The following AHCTF1 variants were observed in gnomAD, a reference collection of about 807,000 sequenced individuals.
AHCTF1 encodes the protein AT-hook containing transcription factor 1, also known as protein ELYS.
In AHCTF1, 24 loss-of-function variants were observed where a neutral mutation model predicts 248.4. The observed-to-expected ratio is 0.10, with a 90% CI of 0.07 to 0.14. The LOEUF is 0.14. AHCTF1 is among the 10% of genes least tolerant of loss of function. The pLI is 1.00. For synonymous variants in AHCTF1, 786 were observed against 929.8 expected (o/e 0.85, Z 2.81); for missense variants, 2,206 against 2,636.2 (o/e 0.84, Z 3.57).
chr1:246,931,331 C>A lies in AHCTF1; in HGVS notation c.-8+247G>T, dbSNP rs1667343227. The A allele has an allele frequency of 3.9e-6, 6 of 1,545,516 alleles. No homozygotes were observed. In the East Asian group the frequency reaches 1.5e-4, roughly 38 times the overall value. On this transcript the variant is annotated intron_variant, in intron 1 of 35. Transcript: ENST00000648844. Reference sequence around the variant, plus strand: ...ACCAGCGCCGCTCCGCCGCCATGTGCCGCCGCTCCTCCGGTCCGAGATTAT... The same window carrying A: ...ACCAGCGCCGCTCCGCCGCCATGTGACGCCGCTCCTCCGGTCCGAGATTAT...
chr1:246,921,285 T>G (rs1666534273), intron 1 of AHCTF1, among the ~76,000 whole-genome samples: 1 of 152,088 alleles, frequency 6.6e-6, no homozygotes, highest in African/African-American at 2.4e-5. Flanking sequence ...AGCGGAAGAA[T>G]ATACGAGGGA....
At chr1:246,927,406 T>C (rs1006822437) in intron 1 of AHCTF1, among the ~76,000 whole-genome samples, 22 of 151,910 alleles carry the variant, frequency 1.4e-4, no homozygotes, top group African/African-American at 4.8e-4. Context: ...TGGGAATCGC[T>C]TGAACCGGGG....
chr1:246,922,973 ACT>A (rs1464034791), intron 1 of AHCTF1, among the ~76,000 whole-genome samples: 10 of 112,182 alleles, frequency 8.9e-5, no homozygotes, highest in African/African-American at 3.5e-4. Flanking sequence ...ACAGAGCGAG[ACT>A]CTGTCTCAAA....
chr1:246,900,893 C>T (rs1336014512), intron 8 of AHCTF1, among the ~76,000 whole-genome samples: 2 of 152,048 alleles, frequency 1.3e-5, no homozygotes, highest in East Asian at 3.8e-4. Context: ...CTGAGAAGGA[C>T]TTATCCAGTT....
rs77966128 is a variant in AHCTF1 at position 246,913,587 on chromosome 1, C to T, written c.376-175G>A. On this transcript the variant is annotated intron_variant, in intron 3 of 35. Transcript: ENST00000648844. ...AAATCTTCAGCTATACTAGGAATTA[C>T]ACCATTACTCAATACATAGAAAAAT... 5.7e-3 allele frequency among the ~76,000 whole-genome samples: 873 copies of T among 152,320 alleles called. 10 individuals are homozygous for T. Among genetic ancestry groups the T allele is most frequent in the African/African-American group, 0.02 (836 of 41,554 alleles).
chr1:246,858,153 G>T (rs1474225420), intron 29 of AHCTF1, among the ~76,000 whole-genome samples: 1 of 151,810 alleles, frequency 6.6e-6, no homozygotes, highest in Non-Finnish European at 1.5e-5. Flanking sequence ...TAGAGACGGG[G>T]TTTCACTGTT....
intron 29 of AHCTF1, among the ~76,000 whole-genome samples, chr1:246,858,625 C>A (rs542623955): frequency 3.4e-4 from 52 of 151,638 alleles, no homozygotes; most frequent in African/African-American, 1.2e-3. Context: ...GTCAGGAGTT[C>A]GAGACCAGCC....
chr1:246,922,907 C>T (rs1288630080), intron 1 of AHCTF1, among the ~76,000 whole-genome samples: 3 of 146,160 alleles, frequency 2.1e-5, no homozygotes, highest in Admixed American at 7.0e-5. Context: ...GGCATGAACC[C>T]AGGAGGCGGA....
chr1:246,890,806 TG>T, intron 16 of AHCTF1, 149 bp downstream of exon 16: 1 of 482,034 alleles, frequency 2.1e-6, no homozygotes, highest in Non-Finnish European at 3.6e-6. Context: ...TAAGGAAAAA[TG>T]TAAGAAAAGA....
Position 246,851,103 on chromosome 1 carries a change from G to A in AHCTF1, c.4903C>T (p.His1635Tyr), listed in dbSNP as rs746152606. The change falls in exon 33 of 36, where the codon CAT becomes TAT. Residue 1635 changes from histidine to tyrosine, a missense_variant. Transcript: ENST00000648844. ...KLVCSGENDNHGQIANLPSAV... is the reference protein window; with the variant it reads ...KLVCSGENDNYGQIANLPSAV... ...GATGGCAAATTTGCAATTTGTCCAT[G>A]ATTATCATTTTCCCCACTGCATACA... is the stretch of plus-strand genomic sequence containing the variant. 1 of 1,613,904 alleles carries A rather than the reference G, an allele frequency of 6.2e-7. No homozygotes were observed. Among genetic ancestry groups the A allele is most frequent in the Admixed American group, 1.7e-5 (1 of 60,006 alleles).
At position 246,908,662 on chromosome 1, in the gene AHCTF1, C is replaced by T. The variant is rs962558951; in HGVS notation, c.557-904G>A. On this transcript the variant is annotated intron_variant, in intron 4 of 35. Transcript: ENST00000648844. ...CAGCACTTTGGAAGGCCAAGGTGGG[C>T]GGATCACAAGGTCAGGAGATTGAGA... Among the ~76,000 whole-genome samples the T allele has an allele frequency of 3.4e-5, 5 of 147,290 alleles. No individual in the cohort carries two copies. In the East Asian group the frequency reaches 6.0e-4, roughly 18 times the overall value.
chr1:246,905,211 T>C (rs1665293174), intron 6 of AHCTF1, among the ~76,000 whole-genome samples: 1 of 152,200 alleles, frequency 6.6e-6, no homozygotes, highest in Admixed American at 6.5e-5. Context: ...AAAGATTGTA[T>C]GTATCAGGCC....
At chr1:246,873,152 T>TTA in intron 24 of AHCTF1, among the ~76,000 whole-genome samples, 1 of 152,306 alleles carries the variant, frequency 6.6e-6, no homozygotes, top group Non-Finnish European at 1.5e-5. Flanking sequence ...GAAGGGATAT[T>TTA]ACATGTTAAG....
intron 21 of AHCTF1, among the ~76,000 whole-genome samples, chr1:246,878,447 G>T (rs922995967): frequency 7.5e-6 from 1 of 133,746 alleles, no homozygotes; most frequent in East Asian, 2.2e-4. Flanking sequence ...AATGAATTAC[G>T]ATGTAGCCCT....
chr1:246,895,684 T>TA, intron 13 of AHCTF1, 151 bp downstream of exon 13: 1 of 615,982 alleles, frequency 1.6e-6, no homozygotes, highest in Non-Finnish European at 2.8e-6. Flanking sequence ...GCAAACGTGC[T>TA]AAAGGGGGTG....
chr1:246,928,076 T>TG (rs1667074186), intron 1 of AHCTF1, among the ~76,000 whole-genome samples: 1 of 151,600 alleles, frequency 6.6e-6, no homozygotes, highest in Non-Finnish European at 1.5e-5. Flanking sequence ...CCAAGGCAGG[T>TG]GGATCACGAG....
chr1:246,870,596 G>A (rs945160824), intron 24 of AHCTF1, among the ~76,000 whole-genome samples: 19 of 151,818 alleles, frequency 1.3e-4, no homozygotes, highest in African/African-American at 4.6e-4. Flanking sequence ...AGGGATTATA[G>A]GAATTTTACA....
At chr1:246,925,375 C>T (rs577054500) in intron 1 of AHCTF1, among the ~76,000 whole-genome samples, 1 of 152,278 alleles carries the variant, frequency 6.6e-6, no homozygotes, top group African/African-American at 2.4e-5. Flanking sequence ...TGTTCTATTT[C>T]TTAGGCTGGG....
Position 246,863,907 on chromosome 1 carries a change from G to C in AHCTF1, c.3540+17C>G, listed in dbSNP as rs193020663. The C allele has an allele frequency of 2.0e-5, 32 of 1,611,832 alleles. No homozygotes were observed. The African/African-American group carries it at 3.6e-4, about 18-fold the overall frequency. ...CCATCTAGTTTGATTGTGAACGCTA[G>C]ATGCGTAAATACTAACCTTAACTAC... On this transcript the variant is annotated intron_variant, in intron 27 of 35. Coordinates refer to ENST00000648844, the MANE Select transcript of AHCTF1 (RefSeq NM_001323342.2).
Sources: gnomAD v4.1 joint callset for allele counts (sites outside exome capture counted in the v4.1 genomes callset) on GRCh38, gnomAD v4.1.1 for gene constraint, MANE v1.5 for transcripts, NCBI Gene and HGNC (gene_info 2026-07-23, HGNC 2026-07-21) for gene names.